The following ANKRD42 variants were observed in gnomAD, a reference collection of about 807,000 sequenced individuals.
The protein encoded by ANKRD42 is ankyrin repeat domain-containing protein 42.
Under a neutral mutation model 51.5 loss-of-function variants are expected in ANKRD42, and 43 were observed. That is an observed-to-expected ratio of 0.83 (90% CI 0.65 to 1.08). The LOEUF is 1.08. Ranked by LOEUF, ANKRD42 falls within the 50% of genes least tolerant of loss-of-function variation. The pLI is 0.00. For synonymous variants in ANKRD42, 203 were observed against 213.0 expected, an observed-to-expected ratio of 0.95 and a Z score of 0.41; for missense variants, 608 against 629.3, an observed-to-expected ratio of 0.97 and a Z score of 0.36.
At chr11:83,260,892 G>A (rs1863897569), downstream of ANKRD42, 3 of 152,072 alleles carry the variant, frequency 2.0e-5, no homozygotes, top group African/African-American at 7.2e-5. Flanking sequence ...AGATATCAAT[G>A]TTTGCTGAAT....
At chr11:83,236,624 A>G (rs1863233031) in intron 8 of ANKRD42, 115 bp downstream of exon 8, 1 of 706,816 alleles carries the variant, frequency 1.4e-6, no homozygotes, top group East Asian at 3.0e-5. Flanking sequence ...TCAATCAAAT[A>G]CAGATGGAAT....
chr11:83,231,484 A>C (rs932797788), intron 7 of ANKRD42, among the ~76,000 whole-genome samples: 22 of 152,136 alleles, frequency 1.4e-4, no homozygotes, highest in Admixed American at 8.5e-4. Flanking sequence ...GGTAGTTTGC[A>C]AATATTTTCT....
intron 1 of ANKRD42, among the ~76,000 whole-genome samples, chr11:83,197,520 A>C (rs1156709180): frequency 6.6e-6 from 1 of 152,212 alleles, no homozygotes; most frequent in Non-Finnish European, 1.5e-5. Flanking sequence ...TTGTGGAGAG[A>C]GGACATGTAC....
chr11:83,199,557 T>G (rs1051500399), intron 2 of ANKRD42, among the ~76,000 whole-genome samples: 5 of 152,230 alleles, frequency 3.3e-5, no homozygotes, highest in Non-Finnish European at 5.9e-5. Flanking sequence ...TGGTTTCAAT[T>G]TTTAGCTAGT....
At chr11:83,208,851 G>T (rs501155) in intron 3 of ANKRD42, among the ~76,000 whole-genome samples, 44,069 of 152,004 alleles carry the variant, frequency 0.29, 7,393 homozygotes, top group East Asian at 0.57. Flanking sequence ...GAATGGTAAA[G>T]TATAGAAGAG....
Position 83,206,142 on chromosome 11 carries a change from A to G in ANKRD42, c.307A>G (p.Arg103Gly). 1.2e-6 allele frequency: 2 copies of G among 1,613,604 alleles called. No homozygotes were observed. The highest frequency in any genetic ancestry group is 2.7e-5 in the African/African-American group (2 of 75,024). The change falls in exon 3 of 11, where the codon AGG (arginine) becomes GGG (glycine). Residue 103 changes from arginine (R) to glycine (G), a missense_variant. Transcript: ENST00000533342. ...GWTASHIAAI[R>G]GQDACVQALI... ...GACAGCATCTCACATAGCTGCAATC[A>G]GGGGTCAGGATGCTTGTGTACAGGT... is the stretch of plus-strand genomic sequence containing the variant.
intron 7 of ANKRD42, among the ~76,000 whole-genome samples, chr11:83,230,776 C>T (rs570121686): frequency 5.2e-4 from 79 of 152,096 alleles, no homozygotes; most frequent in African/African-American, 1.8e-3. Flanking sequence ...TTAGTAGAGA[C>T]GGGGTTTCAC....
At chr11:83,243,944 G>A (rs1361908726) in intron 9 of ANKRD42, among the ~76,000 whole-genome samples, 2 of 144,488 alleles carry the variant, frequency 1.4e-5, no homozygotes, top group African/African-American at 2.6e-5. Flanking sequence ...GATTACAGGC[G>A]TGAACCACCT....
chr11:83,213,173 A>C lies in ANKRD42; in HGVS notation c.586+1743A>C, dbSNP rs993098249. ...GTTCAAGGACCAATCTTGATGCCCAACATTGGTTGTGGGAGCGACAAAAAA... is the reference window on the plus strand; with the variant it reads ...GTTCAAGGACCAATCTTGATGCCCACCATTGGTTGTGGGAGCGACAAAAAA... On this transcript the variant is annotated intron_variant, in intron 5 of 10. Transcript: ENST00000533342. The C allele has an allele frequency of 9.4e-6, 15 of 1,601,526 alleles. No homozygotes were observed. In the African/African-American group the frequency reaches 1.9e-4, roughly 20 times the overall value.
intron 5 of ANKRD42, among the ~76,000 whole-genome samples, chr11:83,215,837 C>G (rs1862510024): frequency 6.6e-6 from 1 of 151,982 alleles, no homozygotes; most frequent in African/African-American, 2.4e-5. Context: ...GCTCTGCTAC[C>G]CAGGCTGGAG....
chr11:83,263,300 A>G (rs1864040846), downstream of ANKRD42, among the ~76,000 whole-genome samples: 1 of 152,214 alleles, frequency 6.6e-6, no homozygotes, highest in Non-Finnish European at 1.5e-5. Flanking sequence ...TCAGTAGAGT[A>G]TACAATCGTT....
intron 6 of ANKRD42, among the ~76,000 whole-genome samples, chr11:83,225,749 C>T (rs1862860448): frequency 7.4e-6 from 1 of 135,636 alleles, no homozygotes; most frequent in African/African-American, 2.7e-5. Flanking sequence ...AATTGCACTC[C>T]ATCCTGGGCA....
chr11:83,211,632 A>G (rs530084973), intron 5 of ANKRD42, among the ~76,000 whole-genome samples: 1 of 148,168 alleles, frequency 6.7e-6, no homozygotes, highest in Admixed American at 6.8e-5. Context: ...CCCACTCTCT[A>G]CAAAAAAAAA....
chr11:83,229,824 G>T (rs574839085), intron 7 of ANKRD42, among the ~76,000 whole-genome samples: 1 of 152,052 alleles, frequency 6.6e-6, no homozygotes, highest in Non-Finnish European at 1.5e-5. Flanking sequence ...AAAGAGCATT[G>T]TTGGGGGACA....
Position 83,224,979 on chromosome 11 carries a change from G to T in ANKRD42, c.711G>T (p.Gln237His), listed in dbSNP as rs771833038. 1.2e-6 allele frequency: 2 copies of T among 1,613,770 alleles called. No individual in the cohort carries two copies. ...GAGAAAATGTACTGGATTTGGCCCA[G>T]AGGTTCTTCAAGCAGAACATTTTAC... ...DNGENVLDLAQRFFKQNILQF... is the reference protein window; with the variant it reads ...DNGENVLDLAHRFFKQNILQF... The change falls in exon 6 of 11, where the codon CAG becomes CAT. Residue 237 changes from glutamine (Q) to histidine (H), a missense_variant. By Grantham distance (24) the Gln-to-His change is conservative (BLOSUM62 0). Transcript: ENST00000533342.
chr11:83,260,609 T>C (rs1453569363), downstream of ANKRD42: 1 of 152,220 alleles, frequency 6.6e-6, no homozygotes, highest in Non-Finnish European at 1.5e-5. Flanking sequence ...ATTCCCTGTT[T>C]ATAGCTAAAC....
In ANKRD42 at chr11:83,245,504, C is replaced by T; in HGVS notation, c.1202C>T (p.Ala401Val). ...DLDKTDARMRAYKKIVELRHL... is the reference protein window; with the variant it reads ...DLDKTDARMRVYKKIVELRHL... Reference sequence around the variant, plus strand: ...ACTCAACTCTGTCTTGCAGTGAGAGCTTACAAGAAAATTGTAGAATTGAGA... The same window carrying T: ...ACTCAACTCTGTCTTGCAGTGAGAGTTTACAAGAAAATTGTAGAATTGAGA... Residue 401 changes from alanine (A) to valine (V), a missense_variant, in exon 10 of 11, where the codon GCT (alanine) becomes GTT (valine). Physicochemically the swap from Ala to Val is moderately conservative, Grantham distance 64 (BLOSUM62 0). Transcript: ENST00000533342. 12 of 1,536,184 alleles carry T rather than the reference C, an allele frequency of 7.8e-6. No homozygotes were observed. The highest frequency in any genetic ancestry group is 1.0e-5 in the Non-Finnish European group (12 of 1,146,866).
At chr11:83,225,433 G>A (rs1227411340) in intron 6 of ANKRD42, among the ~76,000 whole-genome samples, 2 of 151,866 alleles carry the variant, frequency 1.3e-5, no homozygotes, top group African/African-American at 4.8e-5. Flanking sequence ...TGTATGTGGA[G>A]GCATGCCTGT....
In ANKRD42 at chr11:83,210,397, A is replaced by G. The variant is rs576666131; in HGVS notation, c.428A>G (p.Gln143Arg). The G allele has an allele frequency of 4.3e-6, 7 of 1,614,010 alleles. No individual in the cohort carries two copies. Among genetic ancestry groups the G allele is most frequent in the Non-Finnish European group, 5.9e-6 (7 of 1,179,918 alleles). ...ACTCATGGACATTCTTTCACTTTACAAATAATGCTCCGAAGTGGAGTGGTG... is the reference window on the plus strand; with the variant it reads ...ACTCATGGACATTCTTTCACTTTACGAATAATGCTCCGAAGTGGAGTGGTG... ...AATHGHSFTL[Q>R]IMLRSGVDPS... The change falls in exon 4 of 11, where the codon CAA becomes CGA. Residue 143 changes from glutamine to arginine, a missense_variant. Physicochemically the swap from Gln to Arg is conservative, Grantham distance 43. Transcript: ENST00000533342.
Sources: allele counts gnomAD v4.1 joint callset (sites outside exome capture counted in the v4.1 genomes callset), GRCh38; gene constraint gnomAD v4.1.1; transcripts MANE v1.5; gene names NCBI Gene and HGNC (gene_info 2026-07-23, HGNC 2026-07-21).